The following SDF2 variants were observed in gnomAD, a reference collection of about 807,000 sequenced individuals.
SDF2 encodes the protein stromal cell derived factor 2, also known as stromal cell-derived factor 2.
Under a neutral mutation model 20.5 loss-of-function variants are expected in SDF2, and 12 were observed. That is an observed-to-expected ratio of 0.58 (90% CI 0.37 to 0.95). SDF2 has a LOEUF of 0.95. Ranked by LOEUF, SDF2 falls within the 40% of genes least tolerant of loss-of-function variation. SDF2 has a pLI of 0.01. For synonymous variants in SDF2, 100 were observed against 101.0 expected (o/e 0.99, Z 0.06); for missense variants, 238 against 263.1 (o/e 0.90, Z 0.66).
intron 1 of SDF2, chr17:28,661,006 T>C (rs1000864247): frequency 6.4e-6 from 2 of 314,874 alleles, no homozygotes; most frequent in Non-Finnish European, 1.2e-5. Flanking sequence ...ATTCTAGCCA[T>C]GTAGTAGGAA....
At chr17:28,657,161 A>G (rs1335257621) in intron 1 of SDF2, among the ~76,000 whole-genome samples, 1 of 152,030 alleles carries the variant, frequency 6.6e-6, no homozygotes, top group Non-Finnish European at 1.5e-5. Context: ...CGGGAGGCGG[A>G]GGTTGCAGTG....
Position 28,649,051 on chromosome 17 carries a change from C to T in SDF2, c.574G>A (p.Glu192Lys). 1 of 1,614,258 alleles carries T rather than the reference C, an allele frequency of 6.2e-7. No individual in the cohort carries two copies. Among genetic ancestry groups the T allele is most frequent in the South Asian group, 1.1e-5 (1 of 91,086 alleles). The change falls in exon 3 of 3, where the codon GAA (glutamate) becomes AAA (lysine). Residue 192 changes from glutamate (E) to lysine (K), a missense_variant. Physicochemically the swap from Glu to Lys is moderately conservative, Grantham distance 56. Transcript: ENST00000247020. The stretch of plus-strand genomic sequence containing the variant: ...TCACTGGGCTTCATGAAGATGCCTT[C>T]CATGGCTTTCCAGTAGTTGTTCTGA... ...PSQNNYWKAM[E>K]GIFMKPSELL...
rs1446991100 is a variant in SDF2 at position 28,648,774 on chromosome 17, C to T, written c.*215G>A. 6.8e-6 allele frequency: 4 copies of T among 592,160 alleles called. No individual in the cohort carries two copies. Among genetic ancestry groups the T allele is most frequent in the Middle Eastern group, 4.5e-4 (1 of 2,228 alleles). 36.7% of individuals were successfully genotyped at this position (592,160 alleles called of 1,614,324 possible). A position where few individuals can be genotyped will look rare whatever the true frequency, so the allele number is the denominator to read the frequency against. On this transcript the variant is annotated 3_prime_UTR_variant, in exon 3 of 3. Transcript: ENST00000247020. ...TGCCCCTTTACCAGCAAGTCCTCTACTCAGAAAGAACTGACCCACGCAAGT... is the reference window on the plus strand; with the variant it reads ...TGCCCCTTTACCAGCAAGTCCTCTATTCAGAAAGAACTGACCCACGCAAGT...
intron 2 of SDF2, among the ~76,000 whole-genome samples, chr17:28,650,770 T>A (rs2071907175): frequency 1.7e-5 from 2 of 116,504 alleles, no homozygotes; most frequent in African/African-American, 6.8e-5. Flanking sequence ...ACCACTGGAC[T>A]CCAGCCTGGA....
Position 28,661,708 on chromosome 17 carries a change from C to G in SDF2, c.151+18G>C. ...CCGAGTCCTCCCTAGCCCACCCGAG[C>G]CCGGTCCCCAGCATTACCTGACCCA... On this transcript the variant is annotated intron_variant, in intron 1 of 2. Coordinates refer to ENST00000247020, the MANE Select transcript of SDF2 (RefSeq NM_006923.4). The G allele has an allele frequency of 6.2e-7, 1 of 1,604,286 alleles. No individual in the cohort carries two copies. Among genetic ancestry groups the G allele is most frequent in the Non-Finnish European group, 8.5e-7 (1 of 1,172,034 alleles).
chr17:28,654,849 G>A (rs532617827), intron 2 of SDF2, among the ~76,000 whole-genome samples: 6 of 152,190 alleles, frequency 3.9e-5, no homozygotes, highest in South Asian at 2.1e-4. Context: ...CCAGCCACTC[G>A]GGCAGCTGAG....
intron 2 of SDF2, chr17:28,651,376 T>C (rs1030364150): frequency 2.0e-5 from 3 of 152,238 alleles, no homozygotes; most frequent in African/African-American, 7.2e-5. Context: ...TAAAATACTT[T>C]ATATCTCTTG....
chr17:28,658,305 A>G (rs921434779), intron 1 of SDF2, among the ~76,000 whole-genome samples: 2 of 138,010 alleles, frequency 1.4e-5, no homozygotes, highest in Admixed American at 7.6e-5. Context: ...TTTCTCGGAG[A>G]GGGGGATGTG....
At chr17:28,655,636 A>G (rs964005840) in intron 1 of SDF2, 153 bp from the exon 2 acceptor site, 2 of 700,160 alleles carry the variant, frequency 2.9e-6, no homozygotes, top group East Asian at 2.5e-5. Flanking sequence ...GGATATTAAT[A>G]CTGCTCTACA....
intron 2 of SDF2, among the ~76,000 whole-genome samples, chr17:28,652,396 C>T (rs969396626): frequency 2.0e-5 from 3 of 152,070 alleles, no homozygotes; most frequent in Non-Finnish European, 2.9e-5. Flanking sequence ...CTGCAACCTC[C>T]GCCTCCCAGG....
chr17:28,649,211 A>T lies in SDF2; in HGVS notation c.414T>A (p.Asn138Lys), dbSNP rs1243524021. The T allele has an allele frequency of 6.2e-7, 1 of 1,614,114 alleles. No individual in the cohort carries two copies. The highest frequency in any genetic ancestry group is 8.5e-7 in the Non-Finnish European group (1 of 1,180,040). The stretch of plus-strand genomic sequence containing the variant: ...CACCATCTCTCACCCAGTAGGGTCC[A>T]TTACAGAGCACTGTCCAGTCATCCA... Reference protein sequence around the residue: ...DYLDDWTVLCNGPYWVRDGEV... With the variant: ...DYLDDWTVLCKGPYWVRDGEV... Residue 138 changes from asparagine to lysine, a missense_variant, in exon 3 of 3, where the codon AAT becomes AAA. Asn to Lys is a moderately conservative substitution (Grantham distance 94). Transcript: ENST00000247020.
At chr17:28,659,842 G>A (rs548254894) in intron 1 of SDF2, among the ~76,000 whole-genome samples, 55 of 152,198 alleles carry the variant, frequency 3.6e-4, no homozygotes, top group Middle Eastern at 3.4e-3. Flanking sequence ...ACGGGGTGGC[G>A]GCCGGGCAGA....
chr17:28,653,649 T>C (rs2151581970), intron 2 of SDF2, among the ~76,000 whole-genome samples: 1 of 152,132 alleles, frequency 6.6e-6, no homozygotes, highest in East Asian at 1.9e-4. Context: ...CCGTCTCTAC[T>C]GAAAATACAA....
chr17:28,650,803 C>CAAAAA (rs57928087), intron 2 of SDF2, among the ~76,000 whole-genome samples: 3 of 19,078 alleles, frequency 1.6e-4, no homozygotes, highest in African/African-American at 5.6e-4. Flanking sequence ...GACTTTGTCT[C>CAAAAA]AAAAAAAAAA....
intron 1 of SDF2, 167 bp from the exon 2 acceptor site, chr17:28,655,650 G>T: frequency 3.1e-6 from 2 of 652,468 alleles, no homozygotes; most frequent in Admixed American, 2.7e-5. Context: ...CTCTACAAGA[G>T]ACTGAAGACC....
At chr17:28,656,763 GGATAGCCC>G (rs2071966937) in intron 1 of SDF2, among the ~76,000 whole-genome samples, 2 of 152,084 alleles carry the variant, frequency 1.3e-5, no homozygotes, top group Non-Finnish European at 2.9e-5. Flanking sequence ...ACACTAGCCT[GGATAGCCC>G]CTAATGTGTC....
intron 1 of SDF2, among the ~76,000 whole-genome samples, chr17:28,656,518 G>A (rs897672135): frequency 6.6e-6 from 1 of 152,018 alleles, no homozygotes; most frequent in African/African-American, 2.4e-5. Flanking sequence ...AACCCGGGAG[G>A]TGGAGGTTGC....
At chr17:28,655,073 G>C (rs2071948428) in intron 2 of SDF2, among the ~76,000 whole-genome samples, 1 of 152,238 alleles carries the variant, frequency 6.6e-6, no homozygotes, top group Non-Finnish European at 1.5e-5. Flanking sequence ...AGGTTGCAGT[G>C]AGCCAAGATC....
chr17:28,648,837 C>G lies in SDF2; in HGVS notation c.*152G>C. 1 of 763,022 alleles carries G rather than the reference C, an allele frequency of 1.3e-6. No individual in the cohort carries two copies. The highest frequency in any genetic ancestry group is 3.9e-4 in the Middle Eastern group (1 of 2,584). The allele number at this position is 763,022 out of a possible 1,614,324, so 47.3% of individuals were successfully genotyped here. A position where few individuals can be genotyped will look rare whatever the true frequency, so the allele number is the denominator to read the frequency against. ...CTAGTTCAAATGTGCAGGGCTGAAG[C>G]TTCCAAACACAGCCACTATTTTCTG... On this transcript the variant is annotated 3_prime_UTR_variant, in exon 3 of 3. Coordinates refer to ENST00000247020, the MANE Select transcript of SDF2 (RefSeq NM_006923.4).
Sources: gnomAD v4.1 joint callset for allele counts (sites outside exome capture counted in the v4.1 genomes callset) on GRCh38, gnomAD v4.1.1 for gene constraint, MANE v1.5 for transcripts, NCBI Gene and HGNC (gene_info 2026-07-23, HGNC 2026-07-21) for gene names.